The following DACH2 variants were observed in gnomAD, a reference collection of about 807,000 sequenced individuals.
DACH2 encodes the protein dachshund homolog 2.
Under a neutral mutation model 35.8 loss-of-function variants are expected in DACH2, and 17 were observed. The ratio of observed to expected loss-of-function variants is 0.48; its 90% CI spans 0.33 to 0.71. The LOEUF (loss-of-function observed/expected upper bound fraction) is 0.71. DACH2 is among the 30% of genes least tolerant of loss of function. DACH2 has a pLI of 0.02. For missense variants in DACH2, 469 were observed against 472.7 expected (o/e 0.99, Z 0.07); for synonymous variants, 195 against 177.3 (o/e 1.10, Z -0.79).
Position 86,599,050 on chromosome X carries a change from G to A in DACH2, c.641-51986G>A, listed in dbSNP as rs955966626. Among the ~76,000 whole-genome samples, 5 of 110,663 alleles carry A rather than the reference G, an allele frequency of 4.5e-5. No homozygotes were observed. In the East Asian group the frequency reaches 1.1e-3, roughly 25 times the overall value. On this transcript the variant is annotated intron_variant, in intron 3 of 11. Coordinates refer to ENST00000373125, the MANE Select transcript of DACH2 (RefSeq NM_053281.3). ...TTCCCACCTATGAGTGAGAACATGC[G>A]GTGTTTGGTTTTTTGTCCTTGCAAT... is the stretch of plus-strand genomic sequence containing the variant.
At chrX:86,458,470 T>G (rs2037513700) in intron 2 of DACH2, among the ~76,000 whole-genome samples, 1 of 111,390 alleles carries the variant, frequency 9.0e-6, no homozygotes, top group South Asian at 3.7e-4. Context: ...ACACTTGTCT[T>G]GGATGAGGCC....
At position 86,816,153 on chromosome X, in the gene DACH2, G is replaced by A. The variant is rs2042449896; in HGVS notation, c.1750+54G>A. ...GACTGCTTAATATGTGACCCCTGGG[G>A]ATGAGGTGGGGATGAGGTGGGGATG... is the stretch of plus-strand genomic sequence containing the variant. On this transcript the variant is annotated intron_variant, in intron 11 of 11. Transcript: ENST00000373125. 2.7e-5 allele frequency: 23 copies of A among 849,756 alleles called. No homozygotes were observed. The East Asian group carries it at 8.4e-4, about 31-fold the overall frequency. The allele number at this position is 849,756 out of a possible 1,213,427, so 70.0% of individuals were successfully genotyped here. A position where few individuals can be genotyped will look rare whatever the true frequency, so the allele number is the denominator to read the frequency against.
intron 1 of DACH2, among the ~76,000 whole-genome samples, chrX:86,321,240 A>T (rs1255333959): frequency 8.9e-6 from 1 of 111,810 alleles, no homozygotes; most frequent in East Asian, 2.8e-4. Flanking sequence ...TGCAGAGGAC[A>T]GTGTCATTTA....
chrX:86,408,345 A>G (rs754813563), intron 2 of DACH2, among the ~76,000 whole-genome samples: 1 of 111,820 alleles, frequency 8.9e-6, no homozygotes, highest in South Asian at 3.7e-4. Context: ...GGATACTGGA[A>G]TCAGATAGAG....
intron 7 of DACH2, among the ~76,000 whole-genome samples, chrX:86,751,291 G>T (rs187693516): frequency 1.4e-4 from 16 of 110,460 alleles, no homozygotes; most frequent in Admixed American, 4.8e-4. Flanking sequence ...TAGAGTAGGC[G>T]TCATCCACGG....
At chrX:86,236,691 T>C (rs751551990) in intron 1 of DACH2, among the ~76,000 whole-genome samples, 17 of 111,778 alleles carry the variant, frequency 1.5e-4, no homozygotes, top group African/African-American at 4.2e-4. Context: ...ACAGTAAAAA[T>C]ATGGCATAAA....
At chrX:86,209,346 C>T (rs1226305668) in intron 1 of DACH2, among the ~76,000 whole-genome samples, 1 of 111,208 alleles carries the variant, frequency 9.0e-6, no homozygotes, top group Non-Finnish European at 1.9e-5. Context: ...TCTATCTAAC[C>T]CTCCGTAAAC....
At chrX:86,433,461 G>A (rs1243180969) in intron 2 of DACH2, among the ~76,000 whole-genome samples, 1 of 111,746 alleles carries the variant, frequency 8.9e-6, no homozygotes, top group Admixed American at 9.5e-5. Flanking sequence ...AAAAAGAAAG[G>A]TAATCCTCAA....
intron 2 of DACH2, among the ~76,000 whole-genome samples, chrX:86,490,098 C>CT (rs762663378): frequency 8.9e-6 from 1 of 111,898 alleles, no homozygotes; most frequent in South Asian, 3.6e-4. Context: ...CATCCATGTG[C>CT]TTTTTTATTC....
At chrX:86,246,345 A>T (rs1477563005) in intron 1 of DACH2, among the ~76,000 whole-genome samples, 2 of 110,094 alleles carry the variant, frequency 1.8e-5, no homozygotes, top group Non-Finnish European at 3.8e-5. Context: ...CAAGAGGATC[A>T]TCCCCAAGAC....
chrX:86,569,464 A>G (rs931772891), intron 3 of DACH2, among the ~76,000 whole-genome samples: 1 of 111,291 alleles, frequency 9.0e-6, no homozygotes, highest in Admixed American at 9.6e-5. Flanking sequence ...CGTTTCTAAA[A>G]AAGGAGAGGA....
At chrX:86,362,059 A>T (rs1421254756) in intron 1 of DACH2, among the ~76,000 whole-genome samples, 1 of 111,588 alleles carries the variant, frequency 9.0e-6, no homozygotes, top group Non-Finnish European at 1.9e-5. Context: ...GTAGAAAAAC[A>T]TACTGAGATT....
chrX:86,149,162 T>C, intron 1 of DACH2, 54 bp downstream of exon 1: 1 of 1,126,255 alleles, frequency 8.9e-7, no homozygotes. Flanking sequence ...TGGCCTCTTC[T>C]GCATGCCTCA....
At chrX:86,382,461 TACACACACAC>T (rs55825336) in intron 2 of DACH2, among the ~76,000 whole-genome samples, 5,574 of 94,556 alleles carry the variant, frequency 0.059, 447 homozygotes, top group African/African-American at 0.21. Context: ...GCTACATTCA[TACACACACAC>T]ACACACACAC....
chrX:86,293,258 T>A (rs1289901242), intron 1 of DACH2, among the ~76,000 whole-genome samples: 1 of 110,808 alleles, frequency 9.0e-6, no homozygotes, highest in East Asian at 2.8e-4. Context: ...CCCTGCCTTT[T>A]TTTTTGTTTT....
chrX:86,670,673 T>A (rs2040754554), intron 4 of DACH2, among the ~76,000 whole-genome samples: 1 of 111,526 alleles, frequency 9.0e-6, no homozygotes, highest in South Asian at 3.7e-4. Context: ...AACTAATGGT[T>A]CATCCACTAA....
At chrX:86,731,746 T>G (rs2041534746) in intron 6 of DACH2, among the ~76,000 whole-genome samples, 1 of 112,004 alleles carries the variant, frequency 8.9e-6, no homozygotes, top group African/African-American at 3.2e-5. Flanking sequence ...TAGTGAAAGC[T>G]ACCACAAGGG....
intron 1 of DACH2, among the ~76,000 whole-genome samples, chrX:86,210,015 A>G (rs920087570): frequency 8.1e-5 from 9 of 111,655 alleles, no homozygotes; most frequent in Admixed American, 1.9e-4. Flanking sequence ...AAATATTATG[A>G]TGGCGTAACG....
intron 2 of DACH2, among the ~76,000 whole-genome samples, chrX:86,446,629 A>C (rs1169734783): frequency 3.2e-5 from 1 of 31,192 alleles, no homozygotes. Context: ...TGAACTCATC[A>C]TTTTTTATGG....
Sources: gnomAD v4.1 joint callset for allele counts (sites outside exome capture counted in the v4.1 genomes callset) on GRCh38, gnomAD v4.1.1 for gene constraint, MANE v1.5 for transcripts, NCBI Gene and HGNC (gene_info 2026-07-23, HGNC 2026-07-21) for gene names.